HOMER1: variants seen among roughly 807,000 people sequenced by gnomAD.
HOMER1 encodes homer protein homolog 1.
HOMER1 carries 3 observed loss-of-function variants against 48.9 expected under a neutral mutation model. The observed-to-expected ratio is 0.06, with a 90% CI of 0.03 to 0.16. The LOEUF is 0.16. HOMER1 is among the 10% of genes least tolerant of loss of function. The pLI, the probability that HOMER1 is intolerant of heterozygous loss-of-function variation, is 1.00. For synonymous variants in HOMER1, 134 were observed against 146.4 expected, an observed-to-expected ratio of 0.92 and a Z score of 0.61; for missense variants, 247 against 411.4, an observed-to-expected ratio of 0.60 and a Z score of 3.46.
intron 1 of HOMER1, among the ~76,000 whole-genome samples, chr5:79,496,307 G>A (rs1476380165): frequency 2.0e-5 from 3 of 152,184 alleles, no homozygotes; most frequent in Non-Finnish European, 4.4e-5. Context: ...CAGAAGACAG[G>A]AGTGGGGCCT....
chr5:79,482,463 T>C (rs1033425474), intron 1 of HOMER1, among the ~76,000 whole-genome samples: 10 of 152,080 alleles, frequency 6.6e-5, no homozygotes, highest in Non-Finnish European at 1.5e-4. Flanking sequence ...CTTGAACGTA[T>C]TAAAAAGCCC....
intron 5 of HOMER1, among the ~76,000 whole-genome samples, chr5:79,437,666 T>C (rs921911383): frequency 4.6e-5 from 7 of 152,222 alleles, no homozygotes; most frequent in African/African-American, 1.7e-4. Context: ...CTTTTTTGTT[T>C]TTTATAGACA....
chr5:79,491,495 G>C (rs2112358873), intron 1 of HOMER1, among the ~76,000 whole-genome samples: 1 of 135,566 alleles, frequency 7.4e-6, no homozygotes, highest in East Asian at 2.2e-4. Flanking sequence ...TTGAGTACTA[G>C]AAATGTAACT....
chr5:79,386,938 CTTCCT>C (rs1749125451), intron 8 of HOMER1, among the ~76,000 whole-genome samples: 1 of 121,710 alleles, frequency 8.2e-6, no homozygotes, highest in African/African-American at 3.2e-5. Context: ...CCCTCCCTTC[CTTCCT>C]TCCTTTCCTT....
intron 1 of HOMER1, among the ~76,000 whole-genome samples, chr5:79,499,677 G>C (rs567305841): frequency 3.3e-5 from 5 of 151,844 alleles, no homozygotes; most frequent in Non-Finnish European, 7.4e-5. Context: ...TCAAAACATA[G>C]GCAAAAAACT....
chr5:79,483,715 T>A (rs2112345577), intron 1 of HOMER1, among the ~76,000 whole-genome samples: 1 of 150,780 alleles, frequency 6.6e-6, no homozygotes, highest in East Asian at 1.9e-4. Flanking sequence ...TATATTTTAA[T>A]TGCAAAAGTC....
At chr5:79,498,618 T>C (rs1335646737) in intron 1 of HOMER1, among the ~76,000 whole-genome samples, 2 of 152,182 alleles carry the variant, frequency 1.3e-5, no homozygotes, top group Non-Finnish European at 2.9e-5. Context: ...TACTGTCTTC[T>C]ACCTCATACT....
chr5:79,458,340 C>G (rs1404234451), intron 1 of HOMER1, among the ~76,000 whole-genome samples: 1 of 151,694 alleles, frequency 6.6e-6, no homozygotes, highest in East Asian at 1.9e-4. Context: ...GCACATCTTT[C>G]TTTTCTAAAG....
intron 8 of HOMER1, among the ~76,000 whole-genome samples, chr5:79,380,952 G>A (rs1369480473): frequency 1.3e-5 from 2 of 152,034 alleles, no homozygotes; most frequent in Middle Eastern, 3.4e-3. Context: ...CACTGCCATC[G>A]TCCATACTAC....
At chr5:79,422,306 A>T (rs1318182581) in intron 5 of HOMER1, among the ~76,000 whole-genome samples, 1 of 152,164 alleles carries the variant, frequency 6.6e-6, no homozygotes, top group Non-Finnish European at 1.5e-5. Context: ...AATAAATTAA[A>T]TGCCTACAGA....
chr5:79,494,233 T>C (rs908412666), intron 1 of HOMER1, among the ~76,000 whole-genome samples: 2 of 152,202 alleles, frequency 1.3e-5, no homozygotes, highest in African/African-American at 2.4e-5. Context: ...CACATTCTGA[T>C]TCCCAAAACT....
chr5:79,476,733 A>C (rs187258497), intron 1 of HOMER1, among the ~76,000 whole-genome samples: 1 of 152,306 alleles, frequency 6.6e-6, no homozygotes, highest in East Asian at 1.9e-4. Context: ...AGGAACCTCC[A>C]CACACATTTA....
intron 6 of HOMER1, among the ~76,000 whole-genome samples, chr5:79,398,317 ACACACACACACACATG>A (rs1170643663): frequency 1.1e-4 from 17 of 150,888 alleles, no homozygotes; most frequent in Admixed American, 1.1e-3. Flanking sequence ...ATACACACAC[ACACACACACACACATG>A]CACACACACA....
At chr5:79,447,715 A>C (rs1378363586) in intron 3 of HOMER1, among the ~76,000 whole-genome samples, 1 of 152,210 alleles carries the variant, frequency 6.6e-6, no homozygotes, top group Non-Finnish European at 1.5e-5. Context: ...AAGGAATAAT[A>C]CTCAGTGGTC....
chr5:79,402,797 A>C (rs2112222077), intron 5 of HOMER1, among the ~76,000 whole-genome samples: 1 of 152,314 alleles, frequency 6.6e-6, no homozygotes, highest in Middle Eastern at 3.4e-3. Context: ...AAATGTCATA[A>C]GGTTTGGGAT....
intron 1 of HOMER1, among the ~76,000 whole-genome samples, chr5:79,463,576 C>G (rs1006943998): frequency 6.6e-6 from 1 of 152,194 alleles, no homozygotes; most frequent in African/African-American, 2.4e-5. Flanking sequence ...AAACAGTTGT[C>G]ATTTAAAAAA....
chr5:79,456,823 G>T, intron 2 of HOMER1, 39 bp downstream of exon 2: 1 of 1,587,942 alleles, frequency 6.3e-7, no homozygotes, highest in Non-Finnish European at 8.6e-7. Flanking sequence ...ACTGAAAAAA[G>T]CAAAACCAGC....
In HOMER1 at chr5:79,373,205, G is replaced by A. The variant is rs1047591279; in HGVS notation, c.*2804C>T. On this transcript the variant is annotated 3_prime_UTR_variant, in exon 9 of 9. Transcript: ENST00000334082. ...AAGTAAATGCTGTCATCATTTAAAT[G>A]CTTTTAAATATCTGTAAAAGACTGG... 5.3e-5 allele frequency: 8 copies of A among 151,990 alleles called. No individual in the cohort carries two copies. Among genetic ancestry groups the A allele is most frequent in the African/African-American group, 1.9e-4 (8 of 41,422 alleles). 9.4% of individuals were successfully genotyped at this position (151,990 alleles called of 1,614,324 possible). A position where few individuals can be genotyped will look rare whatever the true frequency, so the allele number is the denominator to read the frequency against.
intron 5 of HOMER1, among the ~76,000 whole-genome samples, chr5:79,421,691 C>T (rs1240756738): frequency 1.3e-5 from 2 of 151,734 alleles, no homozygotes; most frequent in African/African-American, 4.8e-5. Flanking sequence ...CTGCAACCTC[C>T]ATCTCCGGGT....
Sources: allele counts gnomAD v4.1 joint callset (sites outside exome capture counted in the v4.1 genomes callset), GRCh38; gene constraint gnomAD v4.1.1; transcripts MANE v1.5; gene names NCBI Gene and HGNC (gene_info 2026-07-23, HGNC 2026-07-21).